ARSF: variants seen among roughly 807,000 people sequenced by gnomAD.
ARSF encodes the protein arylsulfatase F.
A neutral mutation model predicts 35.4 loss-of-function variants in ARSF; 33 were observed. The ratio of observed to expected loss-of-function variants is 0.93; its 90% CI spans 0.71 to 1.25. The LOEUF (loss-of-function observed/expected upper bound fraction) is 1.25, where lower values mean the gene tolerates loss of function less well. Among genes scored for constraint, ARSF ranks in the 50% most tolerant of loss-of-function variants. ARSF has a pLI of 0.00. For missense variants in ARSF, 501 were observed against 480.2 expected, an observed-to-expected ratio of 1.04 and a Z score of -0.40; for synonymous variants, 222 against 193.1, an observed-to-expected ratio of 1.15 and a Z score of -1.24.
intron 7 of ARSF, among the ~76,000 whole-genome samples, chrX:3,095,951 CT>C (rs112569649): frequency 0.1 from 10,747 of 107,005 alleles, 490 homozygotes; most frequent in African/African-American, 0.16. Context: ...TTATATATAT[CT>C]AACAATATAA....
At chrX:3,048,608 T>C (rs1372366930) in intron 1 of ARSF, among the ~76,000 whole-genome samples, 2 of 112,400 alleles carry the variant, frequency 1.8e-5, no homozygotes, top group Non-Finnish European at 3.8e-5. Context: ...CCCATGTATG[T>C]CTTACACATA....
intron 3 of ARSF, 28 bp from the exon 4 acceptor site, chrX:3,076,520 C>G (rs1224066625): frequency 8.5e-7 from 1 of 1,175,187 alleles, no homozygotes; most frequent in Non-Finnish European, 1.1e-6. Flanking sequence ...TTCCTTCTCT[C>G]CAATACACCT....
At chrX:3,094,969 ATATT>A (rs1443724185) in intron 7 of ARSF, among the ~76,000 whole-genome samples, 1 of 108,557 alleles carries the variant, frequency 9.2e-6, no homozygotes, top group African/African-American at 3.3e-5. Context: ...TATAATTTCT[ATATT>A]TATTTATTTA....
intron 1 of ARSF, among the ~76,000 whole-genome samples, chrX:3,060,562 T>G (rs941472349): frequency 1.3e-4 from 15 of 111,253 alleles, no homozygotes; most frequent in African/African-American, 4.9e-4. Flanking sequence ...GCTAAAAACC[T>G]TGAAAAAAGA....
At chrX:3,086,641 C>G (rs1329527927) in intron 6 of ARSF, among the ~76,000 whole-genome samples, 1 of 84,735 alleles carries the variant, frequency 1.2e-5, no homozygotes, top group Admixed American at 1.4e-4. Context: ...CATATGGGAG[C>G]CATATTTCTA....
chrX:3,098,992 T>G (rs2090358064), intron 7 of ARSF, among the ~76,000 whole-genome samples: 1 of 110,577 alleles, frequency 9.0e-6, no homozygotes, highest in Non-Finnish European at 1.9e-5. Context: ...TTGTTAGCAA[T>G]TTATCAAATA....
Position 3,088,909 on chromosome X carries a change from C to A in ARSF, c.831-587C>A, listed in dbSNP as rs373930529. On this transcript the variant is annotated intron_variant, in intron 6 of 10. Coordinates refer to ENST00000381127, the MANE Select transcript of ARSF (RefSeq NM_001201539.2). ...TCTGGGCTGGATTTTTTAGGGGAATCATGGAGGGTCTTGGGGTCACTGATG... is the reference window on the plus strand; with the variant it reads ...TCTGGGCTGGATTTTTTAGGGGAATAATGGAGGGTCTTGGGGTCACTGATG... 2.7e-5 allele frequency among the ~76,000 whole-genome samples: 3 copies of A among 110,618 alleles called. No individual in the cohort carries two copies. In the East Asian group the frequency reaches 8.6e-4, roughly 32 times the overall value.
rs182795576 is a variant in ARSF, at chrX:3,090,721, A to G, written c.967+1089A>G. 1.8e-3 allele frequency among the ~76,000 whole-genome samples: 203 copies of G among 112,055 alleles called. 1 individual carries two copies. Among genetic ancestry groups the G allele is most frequent in the African/African-American group, 4.9e-3 (151 of 30,901 alleles). On this transcript the variant is annotated intron_variant, in intron 7 of 10. Coordinates refer to ENST00000381127, the MANE Select transcript of ARSF (RefSeq NM_001201539.2). The stretch of plus-strand genomic sequence containing the variant: ...GTTTTCTATGTCTGCATTAATTTGC[A>G]TAGGATAATGTCCACCACCGGCATC...
At chrX:3,109,178 G>A (rs2090428334) in intron 9 of ARSF, among the ~76,000 whole-genome samples, 1 of 111,023 alleles carries the variant, frequency 9.0e-6, no homozygotes, top group Admixed American at 9.6e-5. Context: ...AATTAGCTGG[G>A]TGTGGCGGCA....
intron 1 of ARSF, among the ~76,000 whole-genome samples, chrX:3,046,137 C>T (rs1259676328): frequency 2.0e-4 from 22 of 111,562 alleles, no homozygotes; most frequent in African/African-American, 5.9e-4. Context: ...CCGCCCGCCT[C>T]GGCCTCCCAG....
At position 3,089,551 on chromosome X, in the gene ARSF, C is replaced by T. The variant is rs147774191; in HGVS notation, c.886C>T (p.Leu296Phe). The T allele has an allele frequency of 8.3e-7, 1 of 1,210,060 alleles. No homozygotes were observed. Among genetic ancestry groups the T allele is most frequent in the African/African-American group, 1.7e-5 (1 of 57,251 alleles). Residue 296 changes from leucine to phenylalanine, a missense_variant, in exon 7 of 11, where the codon CTC becomes TTC. Leu to Phe is a conservative substitution (Grantham distance 22, BLOSUM62 0). Coordinates refer to ENST00000381127, the MANE Select transcript of ARSF (RefSeq NM_001201539.2). ...FFSFLHVHTP[L>F]PTTDDFTGTS... is the part of the protein sequence containing the mutation. Reference sequence around the variant, plus strand: ...CTCCTTTCTTCACGTGCACACACCTCTCCCCACCACGGACGATTTCACTGG... The same window carrying T: ...CTCCTTTCTTCACGTGCACACACCTTTCCCCACCACGGACGATTTCACTGG...
At chrX:3,045,562 T>C (rs1394997287) in intron 1 of ARSF, among the ~76,000 whole-genome samples, 1 of 109,197 alleles carries the variant, frequency 9.2e-6, no homozygotes, top group African/African-American at 3.3e-5. Context: ...ATCTTTTTTT[T>C]TTTTTTTTTT....
At chrX:3,092,965 A>G (rs993430311) in intron 7 of ARSF, among the ~76,000 whole-genome samples, 2 of 111,901 alleles carry the variant, frequency 1.8e-5, no homozygotes, top group Admixed American at 9.5e-5. Flanking sequence ...GAGTTCAGGC[A>G]ATCAAAACCA....
intron 2 of ARSF, among the ~76,000 whole-genome samples, chrX:3,071,070 C>G (rs2090100449): frequency 1.8e-5 from 2 of 109,669 alleles, no homozygotes; most frequent in African/African-American, 6.6e-5. Flanking sequence ...CTATAGATAT[C>G]AAGAGTGTCT....
intron 7 of ARSF, 50 bp from the exon 8 acceptor site, chrX:3,101,037 A>C (rs1393349229): frequency 3.5e-6 from 4 of 1,157,714 alleles, no homozygotes; most frequent in Non-Finnish European, 4.7e-6. Context: ...TTAGGGGTGA[A>C]ATACCTCATA....
Position 3,053,765 on chromosome X carries a change from T to C in ARSF, c.-29+12102T>C, listed in dbSNP as rs2147477667. Among the ~76,000 whole-genome samples, 3 of 103,014 alleles carry C rather than the reference T, an allele frequency of 2.9e-5. No individual in the cohort carries two copies. The South Asian group carries it at 1.4e-3, about 48-fold the overall frequency. The allele number at this position is 103,014 out of a possible 115,157, so 89.5% of individuals were successfully genotyped here. On this transcript the variant is annotated intron_variant, in intron 1 of 10. Transcript: ENST00000381127. ...TGCCACCACGCCTGGGTAATTTTTT[T>C]TTTTTTTTTTTTTGAGGTGGAGTTT...
In ARSF at chrX:3,112,490, C is replaced by T; in HGVS notation, c.1707C>T (p.Phe569=). The change falls in exon 11 of 11, where the codon TTC becomes TTT. Residue 569 remains phenylalanine, a synonymous_variant. Transcript: ENST00000381127. ...GGCTGAAGCCTTGCTGTGGGGTGTT[C>T]CCATTTTGTCTGTGTGACAAGGAAG... ...RTWLKPCCGV[F]PFCLCDKEEE... is the part of the protein sequence containing the mutation. 8.3e-7 allele frequency: 1 copy of T among 1,211,276 alleles called. No individual in the cohort carries two copies. Among genetic ancestry groups the T allele is most frequent in the African/African-American group, 1.7e-5 (1 of 57,670 alleles).
chrX:3,059,845 C>T (rs187542762), intron 1 of ARSF, among the ~76,000 whole-genome samples: 13 of 112,907 alleles, frequency 1.2e-4, no homozygotes, highest in African/African-American at 4.2e-4. Flanking sequence ...CTGTAGATTC[C>T]ACCTCTGGGG....
intron 10 of ARSF, 34 bp downstream of exon 10, chrX:3,110,286 C>A: frequency 8.9e-7 from 1 of 1,124,140 alleles, no homozygotes; most frequent in Non-Finnish European, 1.2e-6. Context: ...CTGTTCCCTG[C>A]CAGGAGCAGG....
Sources: gnomAD v4.1 joint callset for allele counts (sites outside exome capture counted in the v4.1 genomes callset) on GRCh38, gnomAD v4.1.1 for gene constraint, MANE v1.5 for transcripts, NCBI Gene and HGNC (gene_info 2026-07-23, HGNC 2026-07-21) for gene names.